Variants in NSUN6 observed in about 807,000 individuals in gnomAD.
The protein encoded by NSUN6 is NOP2/Sun RNA methyltransferase 6.
A neutral mutation model predicts 58.0 loss-of-function variants in NSUN6; 64 were observed. The observed-to-expected ratio is 1.10, with a 90% CI of 0.90 to 1.36. The LOEUF (loss-of-function observed/expected upper bound fraction) is 1.36, where lower values mean the gene tolerates loss of function less well. Among genes scored for constraint, NSUN6 ranks in the 40% most tolerant of loss-of-function variants. The pLI, the probability that NSUN6 is intolerant of heterozygous loss-of-function variation, is 0.00. For synonymous variants in NSUN6, 231 were observed against 193.9 expected, an observed-to-expected ratio of 1.19 and a Z score of -1.59; for missense variants, 701 against 550.1, an observed-to-expected ratio of 1.27 and a Z score of -2.74.
At chr10:18,652,749 G>T (rs1277411052), upstream of NSUN6, 2 of 396,032 alleles carry the variant, frequency 5.1e-6, no homozygotes, top group South Asian at 1.0e-4. Flanking sequence ...TAATAGAGAC[G>T]GGGTTTCACC....
chr10:18,622,373 A>G (rs1365415562), intron 3 of NSUN6, among the ~76,000 whole-genome samples: 1 of 152,194 alleles, frequency 6.6e-6, no homozygotes, highest in African/African-American at 2.4e-5. Flanking sequence ...CAGAACCATG[A>G]GAAACAATCT....
At chr10:18,628,197 G>C (rs914248102) in intron 3 of NSUN6, among the ~76,000 whole-genome samples, 31 of 152,140 alleles carry the variant, frequency 2.0e-4, no homozygotes, top group Non-Finnish European at 3.8e-4. Flanking sequence ...TGAGGGTCCT[G>C]TCTGTTAGAA....
intron 3 of NSUN6, among the ~76,000 whole-genome samples, chr10:18,632,711 A>G (rs981606423): frequency 3.3e-5 from 5 of 152,232 alleles, no homozygotes; most frequent in African/African-American, 1.2e-4. Context: ...ATGAGATGCC[A>G]TCTCACACCC....
chr10:18,570,168 ACTCCATT>A (rs1416860102), intron 8 of NSUN6, among the ~76,000 whole-genome samples: 2 of 141,342 alleles, frequency 1.4e-5, no homozygotes, highest in African/African-American at 2.7e-5. Flanking sequence ...ATTCCATTCC[ACTCCATT>A]CTCCATTCTA....
chr10:18,569,226 A>T (rs1441935922), intron 8 of NSUN6, among the ~76,000 whole-genome samples: 4 of 143,712 alleles, frequency 2.8e-5, no homozygotes, highest in Non-Finnish European at 6.1e-5. Flanking sequence ...TCTCCATTTC[A>T]TTCCACTCTC....
intron 6 of NSUN6, among the ~76,000 whole-genome samples, chr10:18,599,075 TCA>T (rs2057707041): frequency 6.6e-6 from 1 of 152,196 alleles, no homozygotes; most frequent in African/African-American, 2.4e-5. Context: ...TCTTGCTCTG[TCA>T]CACAGGCTGC....
intron 8 of NSUN6, among the ~76,000 whole-genome samples, chr10:18,582,149 A>G (rs917403467): frequency 5.9e-5 from 9 of 152,148 alleles, no homozygotes; most frequent in African/African-American, 2.2e-4. Context: ...AACTCCTGAG[A>G]TCTTATCAGA....
At chr10:18,551,257 T>TGTGTGC (rs2133402386) in intron 9 of NSUN6, among the ~76,000 whole-genome samples, 1 of 140,546 alleles carries the variant, frequency 7.1e-6, no homozygotes, top group East Asian at 2.0e-4. Context: ...TGTGTGTGTG[T>TGTGTGC]GTGTGTGTGT....
chr10:18,586,707 C>T lies in NSUN6; in HGVS notation c.778-614G>A, dbSNP rs117547645. ...AGGTAGTGCAGACCCAAAGAGTCAG[C>T]GGCAGCAAGATTTATTGTGAAGAAC... On this transcript the variant is annotated intron_variant, in intron 7 of 10. Transcript: ENST00000377304. Among the ~76,000 whole-genome samples the T allele has an allele frequency of 6.8e-3, 1,040 of 152,336 alleles. 6 individuals carry two copies. The highest frequency in any genetic ancestry group is 0.011 in the Non-Finnish European group (770 of 68,036).
chr10:18,653,682 A>G (rs1019312586), upstream of NSUN6, among the ~76,000 whole-genome samples: 3 of 152,178 alleles, frequency 2.0e-5, no homozygotes, highest in Non-Finnish European at 4.4e-5. Flanking sequence ...CATTTAGACT[A>G]TTCTTGACTA....
upstream of NSUN6, among the ~76,000 whole-genome samples, chr10:18,653,877 G>T (rs74638896): frequency 2.1e-3 from 321 of 152,280 alleles, 8 homozygotes; most frequent in East Asian, 0.054. Context: ...CTTCATATGG[G>T]CGACATGGCT....
Position 18,609,904 on chromosome 10 carries a change from C to G in NSUN6, c.598G>C (p.Glu200Gln). 6.2e-7 allele frequency: 1 copy of G among 1,602,034 alleles called. No homozygotes were observed. The highest frequency in any genetic ancestry group is 8.6e-7 in the Non-Finnish European group (1 of 1,169,164). Residue 200 changes from glutamate to glutamine, a missense_variant, in exon 6 of 11, where the codon GAA becomes CAA. Glu to Gln is a conservative substitution (Grantham distance 29). Coordinates refer to ENST00000377304, the MANE Select transcript of NSUN6 (RefSeq NM_182543.5). ...ELKGMGIRMT[E>Q]PVYLSPSFDS... ...AATGAAGGGCTGAGATATACTGGTT[C>G]TGTCATTCTTATGCCCATGCCTCTG... is the stretch of plus-strand genomic sequence containing the variant.
intron 3 of NSUN6, among the ~76,000 whole-genome samples, chr10:18,625,497 G>A (rs931492468): frequency 4.6e-5 from 7 of 151,958 alleles, no homozygotes; most frequent in East Asian, 1.9e-4. Context: ...TGGATCACCC[G>A]ATTCAAGAGT....
chr10:18,623,612 T>G (rs1439840037), intron 3 of NSUN6, among the ~76,000 whole-genome samples: 1 of 152,048 alleles, frequency 6.6e-6, no homozygotes, highest in Non-Finnish European at 1.5e-5. Context: ...AGGAGACAAG[T>G]GTGAAAGAAG....
chr10:18,648,441 A>G (rs756452766), intron 2 of NSUN6, 49 bp downstream of exon 2: 69 of 1,218,932 alleles, frequency 5.7e-5, no homozygotes, highest in Non-Finnish European at 7.4e-5. Context: ...AAAACATGGT[A>G]GATTGCAAAA....
upstream of NSUN6, chr10:18,652,880 T>G (rs749866668): frequency 1.5e-5 from 15 of 983,376 alleles, no homozygotes; most frequent in Non-Finnish European, 1.8e-5. Flanking sequence ...TTTTAAAGAG[T>G]AAATCAAGGT....
chr10:18,629,337 C>A (rs1258780600), intron 3 of NSUN6, among the ~76,000 whole-genome samples: 2 of 152,098 alleles, frequency 1.3e-5, no homozygotes, highest in East Asian at 1.9e-4. Flanking sequence ...TAGGAAGAAA[C>A]TGCATGAACT....
At chr10:18,647,454 C>A (rs1163640532) in intron 2 of NSUN6, among the ~76,000 whole-genome samples, 8 of 152,092 alleles carry the variant, frequency 5.3e-5, no homozygotes, top group African/African-American at 1.9e-4. Flanking sequence ...TTTCAGTGTA[C>A]AGTGTATGAA....
At chr10:18,549,506 T>C (rs956688734) in intron 9 of NSUN6, among the ~76,000 whole-genome samples, 1 of 152,208 alleles carries the variant, frequency 6.6e-6, no homozygotes, top group Non-Finnish European at 1.5e-5. Context: ...CATTATTGCC[T>C]TCTAATATAC....
Sources: allele counts gnomAD v4.1 joint callset (sites outside exome capture counted in the v4.1 genomes callset), GRCh38; gene constraint gnomAD v4.1.1; transcripts MANE v1.5; gene names NCBI Gene and HGNC (gene_info 2026-07-23, HGNC 2026-07-21).